Variants in PCDHA3 observed in about 807,000 individuals in gnomAD.
PCDHA3 encodes the protein protocadherin alpha-3.
In PCDHA3, 41 loss-of-function variants were observed where a neutral mutation model predicts 62.2. The observed-to-expected ratio is 0.66, with a 90% CI of 0.51 to 0.86. PCDHA3 has a LOEUF of 0.86. Ranked by LOEUF, PCDHA3 falls within the 40% of genes least tolerant of loss-of-function variation. The pLI, the probability that PCDHA3 is intolerant of heterozygous loss-of-function variation, is 0.00. For synonymous variants in PCDHA3, 640 were observed against 555.4 expected, an observed-to-expected ratio of 1.15 and a Z score of -2.14; for missense variants, 1,304 against 1,241.2, an observed-to-expected ratio of 1.05 and a Z score of -0.76.
intron 1 of PCDHA3, chr5:140,841,097 A>T (rs1777008078): frequency 3.5e-6 from 2 of 570,202 alleles, no homozygotes; most frequent in Non-Finnish European, 6.1e-6. Context: ...GAACCCAGAT[A>T]TTGCGGAAGT....
At chr5:140,901,405 G>A (rs1366026091) in intron 1 of PCDHA3, among the ~76,000 whole-genome samples, 1 of 152,128 alleles carries the variant, frequency 6.6e-6, no homozygotes, top group Non-Finnish European at 1.5e-5. Flanking sequence ...TGAGAGATAG[G>A]GGTCTAGTTT....
chr5:140,901,244 T>C (rs1166862455), intron 1 of PCDHA3, among the ~76,000 whole-genome samples: 3 of 152,212 alleles, frequency 2.0e-5, no homozygotes, highest in Non-Finnish European at 4.4e-5. Context: ...TTTTTTCCTT[T>C]GGTTCCCTGT....
At chr5:140,944,629 A>G (rs1371756120) in intron 1 of PCDHA3, among the ~76,000 whole-genome samples, 3 of 152,172 alleles carry the variant, frequency 2.0e-5, no homozygotes, top group African/African-American at 7.2e-5. Context: ...ATAGTGTTGT[A>G]AGCCAGTGTG....
At chr5:140,875,992 C>T in intron 1 of PCDHA3, 2 of 1,613,870 alleles carry the variant, frequency 1.2e-6, no homozygotes, top group African/African-American at 1.3e-5. Flanking sequence ...TGCGTTAAGT[C>T]TAAATGAGAA....
chr5:140,975,058 C>T (rs1016137596), intron 1 of PCDHA3, among the ~76,000 whole-genome samples: 34 of 152,090 alleles, frequency 2.2e-4, no homozygotes, highest in African/African-American at 8.2e-4. Context: ...AATCTACTAT[C>T]GAGCTCATTC....
intron 1 of PCDHA3, chr5:140,967,465 C>T: frequency 1.2e-6 from 2 of 1,613,512 alleles, no homozygotes; most frequent in Non-Finnish European, 1.7e-6. Flanking sequence ...TGGATGGGGG[C>T]ATCCCAGCCC....
chr5:140,841,780 G>A (rs2150322576), intron 1 of PCDHA3: 4 of 1,613,890 alleles, frequency 2.5e-6, no homozygotes, highest in East Asian at 2.2e-5. Flanking sequence ...CTCGGTTTCC[G>A]CTAGAGGGCG....
intron 1 of PCDHA3, chr5:140,835,661 C>G: frequency 6.2e-7 from 1 of 1,613,886 alleles, no homozygotes; most frequent in Non-Finnish European, 8.5e-7. Flanking sequence ...TGGTGGTTAC[C>G]GCGCGGGACG....
intron 1 of PCDHA3, among the ~76,000 whole-genome samples, chr5:140,932,231 A>G (rs2088135026): frequency 6.6e-6 from 1 of 151,848 alleles, no homozygotes; most frequent in African/African-American, 2.4e-5. Context: ...AATTTTTTAG[A>G]ATGGTATCTA....
chr5:140,959,000 G>A (rs1239762631), intron 1 of PCDHA3, among the ~76,000 whole-genome samples: 1 of 151,884 alleles, frequency 6.6e-6, no homozygotes, highest in Admixed American at 6.6e-5. Flanking sequence ...ATCTTTTACT[G>A]TACCTAATTT....
chr5:140,986,834 C>T (rs2097214742), intron 3 of PCDHA3, among the ~76,000 whole-genome samples: 1 of 152,104 alleles, frequency 6.6e-6, no homozygotes. Context: ...CAATGGTTCT[C>T]AAAGGGGCAG....
At chr5:140,995,592 A>G (rs2097690478) in intron 3 of PCDHA3, among the ~76,000 whole-genome samples, 1 of 152,212 alleles carries the variant, frequency 6.6e-6, no homozygotes, top group East Asian at 1.9e-4. Context: ...CTTTTAACTT[A>G]GTGTTTTTCT....
chr5:140,951,176 A>G (rs1392502599), intron 1 of PCDHA3, among the ~76,000 whole-genome samples: 1 of 151,676 alleles, frequency 6.6e-6, no homozygotes, highest in Non-Finnish European at 1.5e-5. Context: ...CTTTAAAGTC[A>G]TTGTCCGCTA....
intron 1 of PCDHA3, chr5:140,836,038 A>T: frequency 1.2e-6 from 2 of 1,613,428 alleles, no homozygotes; most frequent in Non-Finnish European, 1.7e-6. Flanking sequence ...GTGACGCTGC[A>T]GGTGTTCGTG....
intron 3 of PCDHA3, among the ~76,000 whole-genome samples, chr5:141,003,070 G>A (rs1588007737): frequency 6.6e-6 from 1 of 152,232 alleles, no homozygotes; most frequent in South Asian, 2.1e-4. Flanking sequence ...AAATGCAGAT[G>A]AGGGTGAGTT....
chr5:140,923,313 C>T (rs1428494241), intron 1 of PCDHA3, among the ~76,000 whole-genome samples: 1 of 152,074 alleles, frequency 6.6e-6, no homozygotes, highest in African/African-American at 2.4e-5. Flanking sequence ...GGGCGCTTGG[C>T]CTAGAAGTTC....
At chr5:141,004,597 C>CTTAG (rs1554259623) in intron 3 of PCDHA3, among the ~76,000 whole-genome samples, 1 of 152,218 alleles carries the variant, frequency 6.6e-6, no homozygotes, top group African/African-American at 2.4e-5. Flanking sequence ...GATGACAGTG[C>CTTAG]TTAGGCCTCA....
chr5:140,882,628 G>A (rs1554174947), intron 1 of PCDHA3: 9 of 1,614,252 alleles, frequency 5.6e-6, no homozygotes, highest in Non-Finnish European at 7.6e-6. Flanking sequence ...TCCATGTGGA[G>A]GTGAAGGTGA....
intron 1 of PCDHA3, chr5:140,853,318 A>C (rs2042706802): frequency 1.2e-5 from 12 of 984,648 alleles, no homozygotes; most frequent in Non-Finnish European, 1.5e-5. Context: ...CTTAGTAATA[A>C]ATTTATCTTT....
Sources: allele counts gnomAD v4.1 joint callset (sites outside exome capture counted in the v4.1 genomes callset), GRCh38; gene constraint gnomAD v4.1.1; transcripts MANE v1.5; gene names NCBI Gene and HGNC (gene_info 2026-07-23, HGNC 2026-07-21).